The following PTPRD variants were observed in gnomAD, a reference collection of about 807,000 sequenced individuals.
The protein encoded by PTPRD is protein tyrosine phosphatase receptor type D, also known as receptor-type tyrosine-protein phosphatase delta.
PTPRD carries 34 observed loss-of-function variants against 214.5 expected under a neutral mutation model. The ratio of observed to expected loss-of-function variants is 0.16; its 90% CI spans 0.12 to 0.21. The LOEUF is 0.21. PTPRD is among the 10% of genes least tolerant of loss of function. The pLI, the probability that PTPRD is intolerant of heterozygous loss-of-function variation, is 1.00. For synonymous variants in PTPRD, 1,128 were observed against 845.7 expected, an observed-to-expected ratio of 1.33 and a Z score of -5.79; for missense variants, 2,545 against 2,398.7, an observed-to-expected ratio of 1.06 and a Z score of -1.27.
intron 3 of PTPRD, among the ~76,000 whole-genome samples, chr9:10,141,348 A>G (rs952695299): frequency 6.6e-6 from 1 of 152,110 alleles, no homozygotes; most frequent in Non-Finnish European, 1.5e-5. Flanking sequence ...ATATCTAGAA[A>G]ACCCCATTGT....
chr9:10,486,678 T>C (rs2099134828), intron 2 of PTPRD, among the ~76,000 whole-genome samples: 1 of 152,222 alleles, frequency 6.6e-6, no homozygotes, highest in African/African-American at 2.4e-5. Flanking sequence ...ATGCCTGATA[T>C]TATTTCAATT....
intron 3 of PTPRD, among the ~76,000 whole-genome samples, chr9:10,309,748 A>G (rs982978516): frequency 3.9e-5 from 6 of 151,968 alleles, no homozygotes; most frequent in African/African-American, 1.4e-4. Flanking sequence ...AAATATAGAT[A>G]TATACATATG....
At chr9:9,598,181 A>G (rs569603987) in intron 7 of PTPRD, among the ~76,000 whole-genome samples, 56 of 152,108 alleles carry the variant, frequency 3.7e-4, no homozygotes, top group Non-Finnish European at 6.8e-4. Context: ...AGGTACAAGA[A>G]TAAGAGTAAA....
At chr9:9,437,725 G>C (rs2085889439) in intron 8 of PTPRD, among the ~76,000 whole-genome samples, 1 of 152,098 alleles carries the variant, frequency 6.6e-6, no homozygotes, top group Non-Finnish European at 1.5e-5. Context: ...GGTATATCTA[G>C]AGCAGTGTGA....
chr9:9,941,311 T>G (rs7037186), intron 4 of PTPRD, among the ~76,000 whole-genome samples: 5 of 152,168 alleles, frequency 3.3e-5, no homozygotes, highest in Admixed American at 6.5e-5. Context: ...CAATAAACAT[T>G]AAGTGAATGA....
rs567352774 is a variant in PTPRD at position 10,307,936 on chromosome 9, TGTTTGA to T, written c.-545+33021_-545+33026del. On this transcript the variant is annotated intron_variant, in intron 3 of 45. Coordinates refer to ENST00000381196, the MANE Select transcript of PTPRD (RefSeq NM_002839.4). ...GATTATTTGATTTTTGTTGTTGAAT[TGTTTGA>T]GTTCCTTGTATTCTGGATCTTAGTT... is the stretch of plus-strand genomic sequence containing the variant. Among the ~76,000 whole-genome samples, 128 of 152,212 alleles carry T rather than the reference TGTTTGA, an allele frequency of 8.4e-4. 3 individuals are homozygous for T. In the South Asian group the frequency reaches 0.022, roughly 27 times the overall value.
At chr9:9,793,537 A>T (rs745509505) in intron 5 of PTPRD, among the ~76,000 whole-genome samples, 2 of 152,114 alleles carry the variant, frequency 1.3e-5, no homozygotes, top group Non-Finnish European at 2.9e-5. Flanking sequence ...TGTGTTTCCT[A>T]AATTTATTTT....
At chr9:8,532,698 T>C (rs532589002) in intron 14 of PTPRD, among the ~76,000 whole-genome samples, 20 of 152,154 alleles carry the variant, frequency 1.3e-4, no homozygotes, top group African/African-American at 4.3e-4. Context: ...TAAATCAGAC[T>C]TGACCTTCAC....
chr9:10,322,019 C>T (rs1305550551), intron 3 of PTPRD, among the ~76,000 whole-genome samples: 1 of 151,626 alleles, frequency 6.6e-6, no homozygotes, highest in African/African-American at 2.4e-5. Context: ...AGAGTATGTC[C>T]CAGGATTTCA....
At chr9:9,646,372 G>C (rs1284666589) in intron 7 of PTPRD, among the ~76,000 whole-genome samples, 1 of 150,672 alleles carries the variant, frequency 6.6e-6, no homozygotes, top group Non-Finnish European at 1.5e-5. Context: ...TATTTGCCCA[G>C]CACAGGTATG....
chr9:9,826,525 CA>C (rs1393598893), intron 5 of PTPRD, among the ~76,000 whole-genome samples: 3 of 151,646 alleles, frequency 2.0e-5, no homozygotes, highest in Non-Finnish European at 4.4e-5. Flanking sequence ...AGTAATTTAT[CA>C]AAAAATAGAG....
chr9:10,037,205 C>T (rs952365020), intron 3 of PTPRD, among the ~76,000 whole-genome samples: 1 of 152,036 alleles, frequency 6.6e-6, no homozygotes, highest in African/African-American at 2.4e-5. Flanking sequence ...AAATAGAAAA[C>T]CGATATGGCT....
intron 11 of PTPRD, among the ~76,000 whole-genome samples, chr9:8,928,458 G>A (rs901790759): frequency 6.6e-6 from 1 of 152,094 alleles, no homozygotes. Context: ...ATTAAACAGG[G>A]AATCCTTTCC....
chr9:9,951,044 G>A (rs928438542), intron 4 of PTPRD, among the ~76,000 whole-genome samples: 1 of 152,150 alleles, frequency 6.6e-6, no homozygotes, highest in African/African-American at 2.4e-5. Flanking sequence ...TAGCTGAGGT[G>A]ATGATAATCC....
At chr9:9,887,446 TA>T (rs547254852) in intron 5 of PTPRD, among the ~76,000 whole-genome samples, 3 of 152,194 alleles carry the variant, frequency 2.0e-5, no homozygotes, top group South Asian at 4.1e-4. Context: ...GCAATACATA[TA>T]AAAAAACATG....
At chr9:8,813,304 C>G (rs1286673864) in intron 11 of PTPRD, among the ~76,000 whole-genome samples, 1 of 152,010 alleles carries the variant, frequency 6.6e-6, no homozygotes, top group Non-Finnish European at 1.5e-5. Flanking sequence ...GAGGGAGTCA[C>G]CAGCCACAAA....
At chr9:9,111,219 A>G (rs377597938) in intron 10 of PTPRD, among the ~76,000 whole-genome samples, 15 of 151,860 alleles carry the variant, frequency 9.9e-5, no homozygotes, top group Admixed American at 6.6e-5. Flanking sequence ...AGAAAAAAAA[A>G]AAAAAGAAAA....
At chr9:8,687,065 C>T (rs1020417396) in intron 12 of PTPRD, among the ~76,000 whole-genome samples, 2 of 152,124 alleles carry the variant, frequency 1.3e-5, no homozygotes, top group Non-Finnish European at 1.5e-5. Context: ...CCTTTCATAC[C>T]ATTCCAAAGA....
chr9:10,229,485 A>T (rs982265069), intron 3 of PTPRD, among the ~76,000 whole-genome samples: 1 of 152,108 alleles, frequency 6.6e-6, no homozygotes, highest in African/African-American at 2.4e-5. Flanking sequence ...GGATTAAGAA[A>T]ATGTGGCACA....
Sources: allele counts gnomAD v4.1 joint callset (sites outside exome capture counted in the v4.1 genomes callset), GRCh38; gene constraint gnomAD v4.1.1; transcripts MANE v1.5; gene names NCBI Gene and HGNC (gene_info 2026-07-23, HGNC 2026-07-21).